The following IGSF21 variants were observed in gnomAD, a reference collection of about 807,000 sequenced individuals.
IGSF21 encodes the protein immunoglobulin superfamily member 21.
A neutral mutation model predicts 46.8 loss-of-function variants in IGSF21; 28 were observed. That is an observed-to-expected ratio of 0.60 (90% CI 0.44 to 0.82). The LOEUF is 0.82. Ranked by LOEUF, IGSF21 falls within the 40% of genes least tolerant of loss-of-function variation. The probability of loss-of-function intolerance (pLI) is 0.00; values close to 1 mark genes in which losing one functional copy is unlikely to be tolerated. For missense variants in IGSF21, 624 were observed against 665.5 expected, an observed-to-expected ratio of 0.94 and a Z score of 0.69; for synonymous variants, 284 against 273.6, an observed-to-expected ratio of 1.04 and a Z score of -0.38.
chr1:18,377,875 G>T (rs2086300965), intron 9 of IGSF21, among the ~76,000 whole-genome samples: 2 of 152,270 alleles, frequency 1.3e-5, no homozygotes, highest in Middle Eastern at 3.4e-3. Context: ...CTCAGTGCAG[G>T]CCCTTTATAC....
intron 2 of IGSF21, among the ~76,000 whole-genome samples, chr1:18,252,542 G>A (rs764701602): frequency 4.6e-5 from 7 of 152,172 alleles, no homozygotes; most frequent in Non-Finnish European, 1.0e-4. Context: ...AGGTCTATGT[G>A]CCTGTCTATG....
At chr1:18,300,993 C>T (rs952513290) in intron 3 of IGSF21, among the ~76,000 whole-genome samples, 2 of 152,182 alleles carry the variant, frequency 1.3e-5, no homozygotes, top group South Asian at 2.1e-4. Context: ...CCAGGGCCTC[C>T]GTAAAGATTT....
rs191630057 is a variant in IGSF21 at position 18,329,652 on chromosome 1, G to A, written c.306-5240G>A. On this transcript the variant is annotated intron_variant, in intron 3 of 9. Transcript: ENST00000251296. ...GTCTTTGGAGGGCTGGGCAGTCAAGGTAGCCTGCCTGGTGGAGGTGGCATC... is the reference window on the plus strand; with the variant it reads ...GTCTTTGGAGGGCTGGGCAGTCAAGATAGCCTGCCTGGTGGAGGTGGCATC... Among the ~76,000 whole-genome samples the A allele has an allele frequency of 2.6e-5, 4 of 152,286 alleles. No homozygotes were observed. The East Asian group carries it at 7.7e-4, about 29-fold the overall frequency.
Position 18,334,517 on chromosome 1 carries a change from GT to G in IGSF21, c.306-371del, listed in dbSNP as rs560713370. Reference sequence around the variant, plus strand: ...GAGGGAGCCGATGCCTCCAGTGACAGTTTTGGTCCCATACTGCATGCAGCGA... The same window carrying G: ...GAGGGAGCCGATGCCTCCAGTGACAGTTTGGTCCCATACTGCATGCAGCGA... On this transcript the variant is annotated intron_variant, in intron 3 of 9. Coordinates refer to ENST00000251296, the MANE Select transcript of IGSF21 (RefSeq NM_032880.5). The surrounding 1 kb of genome is among the most constrained non-coding windows in gnomAD (Gnocchi z 4.3). 3.8e-4 allele frequency among the ~76,000 whole-genome samples: 58 copies of G among 152,156 alleles called. No individual in the cohort carries two copies. The highest frequency in any genetic ancestry group is 7.3e-4 in the Non-Finnish European group (50 of 68,036).
chr1:18,199,470 G>A (rs12091468), intron 1 of IGSF21, among the ~76,000 whole-genome samples: 6,415 of 152,158 alleles, frequency 0.042, 411 homozygotes, highest in African/African-American at 0.13. Flanking sequence ...GGCGCCCCTC[G>A]GATCCTGGGC....
intron 2 of IGSF21, among the ~76,000 whole-genome samples, chr1:18,282,326 C>A (rs1278682156): frequency 6.6e-6 from 1 of 152,112 alleles, no homozygotes; most frequent in Non-Finnish European, 1.5e-5. Flanking sequence ...TCAAACCCCA[C>A]CCCCACTCTG....
intron 6 of IGSF21, among the ~76,000 whole-genome samples, chr1:18,371,240 A>T (rs1182078889): frequency 2.6e-5 from 4 of 152,180 alleles, no homozygotes; most frequent in Non-Finnish European, 5.9e-5. Flanking sequence ...AAATGAATGA[A>T]CTCATGATAC....
At chr1:18,218,785 T>C (rs984803384) in intron 1 of IGSF21, among the ~76,000 whole-genome samples, 22 of 152,234 alleles carry the variant, frequency 1.4e-4, no homozygotes, top group African/African-American at 4.6e-4. Flanking sequence ...TTGAAGTATC[T>C]GACAGAGATT....
At chr1:18,350,887 G>A (rs139223410) in intron 4 of IGSF21, among the ~76,000 whole-genome samples, 3 of 152,252 alleles carry the variant, frequency 2.0e-5, no homozygotes, top group East Asian at 1.9e-4. Context: ...CCAGGAGTGC[G>A]GTGGGGGGTA....
chr1:18,197,545 C>A (rs1437472897), intron 1 of IGSF21, among the ~76,000 whole-genome samples: 1 of 152,228 alleles, frequency 6.6e-6, no homozygotes, highest in Non-Finnish European at 1.5e-5. Flanking sequence ...GCTGACAAAT[C>A]CTCAGTGATT....
chr1:18,177,398 T>TTC, intron 1 of IGSF21, among the ~76,000 whole-genome samples: 1 of 84,820 alleles, frequency 1.2e-5, no homozygotes, highest in South Asian at 4.3e-4. Flanking sequence ...GTGAGGTGTG[T>TTC]GTGTGTGTGT....
chr1:18,188,208 G>A (rs1389619307), intron 1 of IGSF21, among the ~76,000 whole-genome samples: 3 of 152,172 alleles, frequency 2.0e-5, no homozygotes, highest in Non-Finnish European at 4.4e-5. Flanking sequence ...AGAGGAAAAA[G>A]TCACGTGGAA....
chr1:18,249,509 G>A (rs1028050925), intron 2 of IGSF21, among the ~76,000 whole-genome samples: 4 of 152,262 alleles, frequency 2.6e-5, no homozygotes, highest in South Asian at 2.1e-4. Flanking sequence ...GCAGCTGTAC[G>A]TGCAAAAGCA....
At chr1:18,265,247 G>A (rs954054421) in intron 2 of IGSF21, among the ~76,000 whole-genome samples, 2 of 152,082 alleles carry the variant, frequency 1.3e-5, no homozygotes, top group East Asian at 3.9e-4. Flanking sequence ...TATTAATGTT[G>A]AGTGATTACA....
At chr1:18,132,066 CAG>C (rs779090032) in intron 1 of IGSF21, among the ~76,000 whole-genome samples, 1 of 152,180 alleles carries the variant, frequency 6.6e-6, no homozygotes, top group Non-Finnish European at 1.5e-5. Context: ...TCCATGAAGA[CAG>C]TGTTTCTGTT....
chr1:18,126,112 C>G (rs1186595215), intron 1 of IGSF21, among the ~76,000 whole-genome samples: 1 of 152,040 alleles, frequency 6.6e-6, no homozygotes, highest in Non-Finnish European at 1.5e-5. Context: ...CCTTTGAACC[C>G]CAACTTCCCA....
chr1:18,190,302 CT>C (rs1302185916), intron 1 of IGSF21, among the ~76,000 whole-genome samples: 19 of 152,226 alleles, frequency 1.2e-4, no homozygotes, highest in African/African-American at 4.6e-4. Flanking sequence ...CCGCAATCTC[CT>C]GCACACAGCT....
chr1:18,367,505 C>A (rs561623156), intron 6 of IGSF21, among the ~76,000 whole-genome samples: 1 of 152,084 alleles, frequency 6.6e-6, no homozygotes, highest in South Asian at 2.1e-4. Context: ...ATGCCAACCA[C>A]TGAACTCACC....
intron 1 of IGSF21, among the ~76,000 whole-genome samples, chr1:18,185,520 G>C (rs2086895339): frequency 6.6e-6 from 1 of 152,196 alleles, no homozygotes; most frequent in Non-Finnish European, 1.5e-5. Context: ...CATTTAAGCT[G>C]CAGGTTGTGC....
Sources: gnomAD v4.1 joint callset for allele counts (sites outside exome capture counted in the v4.1 genomes callset) on GRCh38, gnomAD v4.1.1 for gene constraint, Gnocchi (gnomAD v3.1) non-coding constraint, MANE v1.5 for transcripts, NCBI Gene and HGNC (gene_info 2026-07-23, HGNC 2026-07-21) for gene names.